The following TMED6 variants were observed in gnomAD, a reference collection of about 807,000 sequenced individuals.
TMED6 encodes the protein transmembrane emp24 domain-containing protein 6.
TMED6 carries 17 observed loss-of-function variants against 26.5 expected under a neutral mutation model. The observed-to-expected ratio is 0.64, with a 90% CI of 0.44 to 0.96. The LOEUF (loss-of-function observed/expected upper bound fraction) is 0.96, where lower values mean the gene tolerates loss of function less well. Ranked by LOEUF, TMED6 falls within the 40% of genes least tolerant of loss-of-function variation. The pLI is 0.00. For synonymous variants in TMED6, 107 were observed against 106.2 expected (o/e 1.01, Z -0.04); for missense variants, 309 against 296.5 (o/e 1.04, Z -0.31).
In TMED6 at chr16:69,343,500, A is replaced by C; in HGVS notation, c.630T>G (p.Leu210=). The C allele has an allele frequency of 1.9e-6, 3 of 1,614,080 alleles. No individual in the cohort carries two copies. The highest frequency in any genetic ancestry group is 2.5e-6 in the Non-Finnish European group (3 of 1,180,012). ...GCAGGATCCCAGAAAGAATAATAAC[A>C]AGGCTCTGGGCTGTCGACCACCAGT... The part of the protein sequence containing the change: ...YVNWWSTAQS[L]VIILSGILQL... Residue 210 remains leucine, a synonymous_variant, in exon 4 of 4, where the codon CTT becomes CTG. Coordinates refer to ENST00000288025, the MANE Select transcript of TMED6 (RefSeq NM_144676.4).
At position 69,343,339 on chromosome 16, in the gene TMED6, A is replaced by G. The variant is rs2012613388; in HGVS notation, c.*68T>C. ...TAATGAGATAATTGATTTTTGTCCC[A>G]TAACATTACAAAGCTGATTCGACTA... On this transcript the variant is annotated 3_prime_UTR_variant, in exon 4 of 4. Coordinates refer to ENST00000288025, the MANE Select transcript of TMED6 (RefSeq NM_144676.4). 7.2e-7 allele frequency: 1 copy of G among 1,385,382 alleles called. No homozygotes were observed. 85.8% of individuals were successfully genotyped at this position (1,385,382 alleles called of 1,614,324 possible).
At position 69,349,574 on chromosome 16, in the gene TMED6, G is replaced by T; in HGVS notation, c.291C>A (p.Asp97Glu). Residue 97 changes from aspartate (D) to glutamate (E), a missense_variant, in exon 2 of 4, where the codon GAC (aspartate) becomes GAA (glutamate). Asp to Glu is a conservative substitution (Grantham distance 45, BLOSUM62 2). Transcript: ENST00000288025. ...TCTGGCCCCGAACACCCTGGGAGGT[G>T]TCTATGAGAAATCCCTGTGGGTTAT... ...TAHNPQGFLI[D>E]TSQGVRGQIN... 6.2e-7 allele frequency: 1 copy of T among 1,614,034 alleles called. No individual in the cohort carries two copies.
In TMED6 at chr16:69,347,897, A is replaced by G. The variant is rs745729070; in HGVS notation, c.380T>C (p.Phe127Ser). ...GTTGAGGTACACTTGCACAGAACCG[A>G]AGTGATTATGCTGATTACTTAGACA... ...QLCLSNQHNH[F>S]GSVQVYLNFG... is the part of the protein sequence containing the mutation. Residue 127 changes from phenylalanine (F) to serine (S), a missense_variant, in exon 3 of 4, where the codon TTC becomes TCC. Coordinates refer to ENST00000288025, the MANE Select transcript of TMED6 (RefSeq NM_144676.4). The G allele has an allele frequency of 6.2e-7, 1 of 1,614,116 alleles. No homozygotes were observed. Among genetic ancestry groups the G allele is most frequent in the East Asian group, 2.2e-5 (1 of 44,882 alleles).
intron 1 of TMED6, among the ~76,000 whole-genome samples, chr16:69,349,861 C>T (rs1194127454): frequency 2.0e-5 from 3 of 152,138 alleles, no homozygotes; most frequent in Non-Finnish European, 2.9e-5. Flanking sequence ...CATTGCTGAA[C>T]GTCTGCAATG....
chr16:69,351,152 G>A (rs1294884606), intron 1 of TMED6, among the ~76,000 whole-genome samples: 2 of 152,118 alleles, frequency 1.3e-5, no homozygotes, highest in African/African-American at 2.4e-5. Context: ...CACCCCATAA[G>A]CTGAAGCAGC....
In TMED6 at chr16:69,349,659, G is replaced by C. The variant is rs751717597; in HGVS notation, c.214-8C>G. ...CCCCACTGTCCGCTGAACCTGCCAA[G>C]ACACATTAAATAGGTAGCAGAACCC... On this transcript the variant is annotated splice_region_variant and splice_polypyrimidine_tract_variant and intron_variant, in intron 1 of 3. Transcript: ENST00000288025. 24 of 1,612,228 alleles carry C rather than the reference G, an allele frequency of 1.5e-5. No individual in the cohort carries two copies. The highest frequency in any genetic ancestry group is 2.0e-5 in the Non-Finnish European group (24 of 1,178,928).
At position 69,351,675 on chromosome 16, in the gene TMED6, G is replaced by C. The variant is rs1424203632; in HGVS notation, c.79C>G (p.Leu27Val). 1 of 1,613,974 alleles carries C rather than the reference G, an allele frequency of 6.2e-7. No individual in the cohort carries two copies. The highest frequency in any genetic ancestry group is 8.5e-7 in the Non-Finnish European group (1 of 1,180,006). Residue 27 changes from leucine to valine, a missense_variant, in exon 1 of 4, where the codon CTA becomes GTA. Transcript: ENST00000288025. ...TSARSQKTEP[L>V]SGSGDQPLFR... Reference sequence around the variant, plus strand: ...AGTGGCTGGTCCCCAGAGCCACTTAGAGGTTCTGTCTTCTGGCTCCTGGCA... The same window carrying C: ...AGTGGCTGGTCCCCAGAGCCACTTACAGGTTCTGTCTTCTGGCTCCTGGCA...
intron 1 of TMED6, among the ~76,000 whole-genome samples, chr16:69,350,988 G>A (rs1425353070): frequency 6.6e-6 from 1 of 151,930 alleles, no homozygotes; most frequent in Non-Finnish European, 1.5e-5. Flanking sequence ...CCATAGTATG[G>A]GTAAAAGTAC....
At chr16:69,345,677 TC>T (rs1352455933) in intron 3 of TMED6, among the ~76,000 whole-genome samples, 2 of 55,710 alleles carry the variant, frequency 3.6e-5, no homozygotes, top group Non-Finnish European at 6.0e-5. Context: ...ACTGACTCTC[TC>T]AAAAAAAAAA....
At chr16:69,344,775 C>CA (rs762254282) in intron 3 of TMED6, among the ~76,000 whole-genome samples, 25 of 123,084 alleles carry the variant, frequency 2.0e-4, no homozygotes, top group East Asian at 9.9e-4. Flanking sequence ...TTTGTCTCAA[C>CA]AAAAAAAAAA....
At position 69,351,755 on chromosome 16, in the gene TMED6, C is replaced by G; in HGVS notation, c.-2G>C. 1 of 1,611,770 alleles carries G rather than the reference C, an allele frequency of 6.2e-7. No individual in the cohort carries two copies. The highest frequency in any genetic ancestry group is 1.1e-5 in the South Asian group (1 of 91,000). On this transcript the variant is annotated 5_prime_UTR_variant, in exon 1 of 4. Transcript: ENST00000288025. ...AGCCCCAAAGAGCAAAGGGGACATG[C>G]CGCTTTCTGGAGCCTCCTCTGCAGG...
chr16:69,349,015 T>C (rs1162564512), intron 2 of TMED6, among the ~76,000 whole-genome samples: 1 of 152,212 alleles, frequency 6.6e-6, no homozygotes, highest in Admixed American at 6.5e-5. Context: ...CAGCTGGCTA[T>C]TAAAGAGGGC....
chr16:69,345,915 C>T (rs1313589307), intron 3 of TMED6, among the ~76,000 whole-genome samples: 2 of 152,096 alleles, frequency 1.3e-5, no homozygotes, highest in East Asian at 3.9e-4. Context: ...CTCCTGGGCT[C>T]AAGCTATCCT....
At chr16:69,349,701 A>G in intron 1 of TMED6, 50 bp from the exon 2 acceptor site, 1 of 1,590,636 alleles carries the variant, frequency 6.3e-7, no homozygotes, top group Non-Finnish European at 8.6e-7. Flanking sequence ...CATCACGAGG[A>G]AGCCAGCTGA....
chr16:69,345,329 G>T (rs1356057862), intron 3 of TMED6, among the ~76,000 whole-genome samples: 1 of 151,832 alleles, frequency 6.6e-6, no homozygotes, highest in Non-Finnish European at 1.5e-5. Flanking sequence ...GAAAATATCT[G>T]CAACTCACAT....
chr16:69,350,353 G>A (rs2012757220), intron 1 of TMED6, among the ~76,000 whole-genome samples: 1 of 150,886 alleles, frequency 6.6e-6, no homozygotes, highest in South Asian at 2.1e-4. Context: ...CACCCAGGCT[G>A]GAGTGCAGTG....
Position 69,351,521 on chromosome 16 carries a change from A to T in TMED6, c.213+20T>A. The T allele has an allele frequency of 1.2e-6, 2 of 1,611,120 alleles. No individual in the cohort carries two copies. Among genetic ancestry groups the T allele is most frequent in the Admixed American group, 3.3e-5 (2 of 59,970 alleles). On this transcript the variant is annotated intron_variant, in intron 1 of 3. Coordinates refer to ENST00000288025, the MANE Select transcript of TMED6 (RefSeq NM_144676.4). Reference sequence around the variant, plus strand: ...AGGAGAAAAAAAAAAGCCCCCCAGTATGGCCAGTCACCCACATACCTCGTA... The same window carrying T: ...AGGAGAAAAAAAAAAGCCCCCCAGTTTGGCCAGTCACCCACATACCTCGTA...
intron 1 of TMED6, among the ~76,000 whole-genome samples, chr16:69,349,994 G>A (rs57422306): frequency 0.046 from 6,995 of 152,142 alleles, 217 homozygotes; most frequent in South Asian, 0.083. Flanking sequence ...ATTCTGGGCC[G>A]GGCGCGGTGG....
intron 1 of TMED6, among the ~76,000 whole-genome samples, chr16:69,350,848 A>T: frequency 6.6e-6 from 1 of 152,194 alleles, no homozygotes; most frequent in East Asian, 1.9e-4. Context: ...GTGGAGTAAG[A>T]TCAACAAAGT....
Sources: gnomAD v4.1 joint callset for allele counts (sites outside exome capture counted in the v4.1 genomes callset) on GRCh38, gnomAD v4.1.1 for gene constraint, MANE v1.5 for transcripts, NCBI Gene and HGNC (gene_info 2026-07-23, HGNC 2026-07-21) for gene names.